BTBD8: variants seen among roughly 807,000 people sequenced by gnomAD.
BTBD8 encodes the protein BTB/POZ domain-containing protein 8.
Under a neutral mutation model 162.9 loss-of-function variants are expected in BTBD8, and 110 were observed. The ratio of observed to expected loss-of-function variants is 0.68; its 90% CI spans 0.58 to 0.79. BTBD8 has a LOEUF of 0.79. Ranked by LOEUF, BTBD8 falls within the 30% of genes least tolerant of loss-of-function variation. The probability of loss-of-function intolerance (pLI) is 0.00; values close to 1 mark genes in which losing one functional copy is unlikely to be tolerated. For missense variants in BTBD8, 1,905 were observed against 2,085.4 expected (o/e 0.91, Z 1.68); for synonymous variants, 667 against 716.1 (o/e 0.93, Z 1.10).
chr1:92,088,613 T>G (rs928456937), intron 1 of BTBD8, 85 bp from the exon 2 acceptor site: 1 of 1,056,478 alleles, frequency 9.5e-7, no homozygotes, highest in Non-Finnish European at 1.3e-6. Flanking sequence ...TTAGCTTATG[T>G]GTTATTTTAA....
chr1:92,086,035 T>C (rs1267888648), intron 1 of BTBD8, among the ~76,000 whole-genome samples: 2 of 152,162 alleles, frequency 1.3e-5, no homozygotes, highest in African/African-American at 4.8e-5. Flanking sequence ...AAGCGCATGA[T>C]CTACAGCTGT....
At position 92,173,521 on chromosome 1, in the gene BTBD8, T is replaced by C. The variant is rs148317766; in HGVS notation, c.1635+2061T>C. 1.7e-3 allele frequency among the ~76,000 whole-genome samples: 265 copies of C among 152,332 alleles called. 3 individuals are homozygous for C. The highest frequency in any genetic ancestry group is 5.8e-3 in the African/African-American group (242 of 41,580). ...TCCCCTGCTACTCACCAGGCTTTTC[T>C]GCCTTCCTTGCCTTACTGCAGAATA... is the stretch of plus-strand genomic sequence containing the variant. On this transcript the variant is annotated intron_variant, in intron 13 of 17. Coordinates refer to ENST00000636805, the MANE Select transcript of BTBD8 (RefSeq NM_001376131.1).
intron 1 of BTBD8, among the ~76,000 whole-genome samples, chr1:92,085,011 TG>T: frequency 6.6e-6 from 1 of 152,176 alleles, no homozygotes; most frequent in Non-Finnish European, 1.5e-5. Context: ...AAAATCCCAT[TG>T]GGTTTTCATG....
chr1:92,181,320 A>G lies in BTBD8; in HGVS notation c.3637A>G (p.Lys1213Glu), dbSNP rs1348774819. Residue 1213 changes from lysine to glutamate, a missense_variant, in exon 17 of 18, where the codon AAA (lysine) becomes GAA (glutamate). This residue lies in a region of BTBD8 where 1,374 missense variants were observed against 1,442.7 expected (regional missense o/e 0.95). Coordinates refer to ENST00000636805, the MANE Select transcript of BTBD8 (RefSeq NM_001376131.1). ...ACAGCTATCAGAAAAAAATTCTCCT[A>G]AAAATATGGAAACATCAGAATCTCC... is the stretch of plus-strand genomic sequence containing the variant. ...SGQLSEKNSP[K>E]NMETSESPES... The G allele has an allele frequency of 2.6e-6, 4 of 1,551,404 alleles. No individual in the cohort carries two copies. In the South Asian group the frequency reaches 3.6e-5, roughly 14 times the overall value.
At chr1:92,166,193 GA>G (rs1650380697) in intron 9 of BTBD8, among the ~76,000 whole-genome samples, 2 of 152,038 alleles carry the variant, frequency 1.3e-5, no homozygotes, top group Non-Finnish European at 2.9e-5. Context: ...AGAAGAGGAG[GA>G]AAATCCCTGG....
intron 5 of BTBD8, among the ~76,000 whole-genome samples, chr1:92,134,608 C>T (rs905575092): frequency 1.3e-5 from 2 of 152,210 alleles, no homozygotes; most frequent in Admixed American, 1.3e-4. Flanking sequence ...CAGTTACTCT[C>T]TCTTATATAA....
At chr1:92,172,344 A>G (rs188782377) in intron 13 of BTBD8, among the ~76,000 whole-genome samples, 1 of 152,200 alleles carries the variant, frequency 6.6e-6, no homozygotes, top group South Asian at 2.1e-4. Context: ...TGTGCAACGA[A>G]GTGCATGCAG....
In BTBD8 at chr1:92,180,991, A is replaced by G. The variant is rs1367954366; in HGVS notation, c.3308A>G (p.Asn1103Ser). 4.5e-6 allele frequency: 7 copies of G among 1,551,670 alleles called. No homozygotes were observed. Among genetic ancestry groups the G allele is most frequent in the Non-Finnish European group, 6.1e-6 (7 of 1,147,024 alleles). ...TCAAATCCAAATGAAAACTCCTTGA[A>G]CTCTAATCCAGTTTGTGATTTAGAC... ...MVSNPNENSL[N>S]SNPVCDLDST... Residue 1103 changes from asparagine to serine, a missense_variant, in exon 17 of 18, where the codon AAC becomes AGC. By Grantham distance (46) the Asn-to-Ser change is conservative. Coordinates refer to ENST00000636805, the MANE Select transcript of BTBD8 (RefSeq NM_001376131.1).
At chr1:92,165,539 A>G (rs1570752850) in intron 9 of BTBD8, among the ~76,000 whole-genome samples, 1 of 151,910 alleles carries the variant, frequency 6.6e-6, no homozygotes, top group African/African-American at 2.4e-5. Context: ...TGCAGAGTCC[A>G]CATCATGCTG....
At chr1:92,114,910 C>T in intron 4 of BTBD8, 5 of 308,222 alleles carry the variant, frequency 1.6e-5, no homozygotes, top group Admixed American at 3.7e-5. Context: ...TAGGGCAATG[C>T]CAGCCCCAGC....
At chr1:92,128,919 G>GT (rs964572026) in intron 4 of BTBD8, among the ~76,000 whole-genome samples, 11 of 149,700 alleles carry the variant, frequency 7.3e-5, no homozygotes, top group South Asian at 2.1e-4. Flanking sequence ...TTGTTTTTTG[G>GT]TTTTTTTTTC....
In BTBD8 at chr1:92,177,517, G is replaced by A. The variant is rs1047202112; in HGVS notation, c.2324G>A (p.Ser775Asn). 7.8e-6 allele frequency: 12 copies of A among 1,540,506 alleles called. No homozygotes were observed. The highest frequency in any genetic ancestry group is 9.6e-6 in the Non-Finnish European group (11 of 1,142,694). ...TCTCCAGGACAGATGATGAAAAACA[G>A]TGTAGATAGTGTCAAAAATTCCACT... The part of the protein sequence containing the change: ...CDSPGQMMKN[S>N]VDSVKNSTVA... The change falls in exon 14 of 18, where the codon AGT (serine) becomes AAT (asparagine). Residue 775 changes from serine to asparagine, a missense_variant. Coordinates refer to ENST00000636805, the MANE Select transcript of BTBD8 (RefSeq NM_001376131.1).
rs1399723117 is a variant in BTBD8, at chr1:92,181,709, C to T, written c.4026C>T (p.Ile1342=). 2 of 1,551,514 alleles carry T rather than the reference C, an allele frequency of 1.3e-6. No homozygotes were observed. The highest frequency in any genetic ancestry group is 2.7e-5 in the African/African-American group (2 of 73,150). The change falls in exon 17 of 18, where the codon ATC becomes ATT. Residue 1342 remains isoleucine, a synonymous_variant. Transcript: ENST00000636805. The part of the protein sequence containing the change: ...FQVNSTSDDE[I]PRKRPEIWSR... ...TTAATTCAACGAGTGATGATGAAAT[C>T]CCTAGGAAAAGGCCAGAAATTTGGT...
chr1:92,137,737 C>A (rs1649667554), intron 5 of BTBD8, among the ~76,000 whole-genome samples: 2 of 152,076 alleles, frequency 1.3e-5, no homozygotes, highest in Admixed American at 1.3e-4. Context: ...ATCTTAGAAT[C>A]TTTGCATATG....
intron 4 of BTBD8, chr1:92,126,486 C>G: frequency 2.9e-6 from 2 of 684,682 alleles, no homozygotes; most frequent in Non-Finnish European, 4.8e-6. Context: ...TTGGGCCTCC[C>G]TTTTCTCCTC....
Position 92,118,759 on chromosome 1 carries a change from T to C in BTBD8, c.662+10758T>C, listed in dbSNP as rs150082778. 1.8e-3 allele frequency among the ~76,000 whole-genome samples: 266 copies of C among 151,720 alleles called. 8 individuals are homozygous for C. Among genetic ancestry groups the C allele is most frequent in the African/African-American group, 5.9e-3 (243 of 41,218 alleles). ...ACATATATCAGTGTAGACTCATAGA[T>C]ACTTATTTTGTACTTTAGCTTATAA... On this transcript the variant is annotated intron_variant, in intron 4 of 17. Coordinates refer to ENST00000636805, the MANE Select transcript of BTBD8 (RefSeq NM_001376131.1).
At chr1:92,082,349 C>G (rs930797847) in intron 1 of BTBD8, among the ~76,000 whole-genome samples, 3 of 152,172 alleles carry the variant, frequency 2.0e-5, no homozygotes, top group African/African-American at 7.2e-5. Context: ...GCACTGACCA[C>G]GTACCTAGCC....
At chr1:92,145,792 C>T (rs1389115516) in intron 7 of BTBD8, among the ~76,000 whole-genome samples, 1 of 143,570 alleles carries the variant, frequency 7.0e-6, no homozygotes, top group Admixed American at 6.9e-5. Flanking sequence ...CCAGCCTGAC[C>T]AACATGGTGA....
chr1:92,130,389 G>T (rs1314530616), intron 5 of BTBD8, among the ~76,000 whole-genome samples: 1 of 151,396 alleles, frequency 6.6e-6, no homozygotes, highest in Non-Finnish European at 1.5e-5. Context: ...TTTGAGATGG[G>T]ATCTTGCTGT....
Sources: gnomAD v4.1 joint callset for allele counts (sites outside exome capture counted in the v4.1 genomes callset) on GRCh38, gnomAD v4.1.1 for gene constraint, gnomAD v4.1.1 regional missense constraint, MANE v1.5 for transcripts, NCBI Gene and HGNC (gene_info 2026-07-23, HGNC 2026-07-21) for gene names.